Variants in ACYP2 observed in about 807,000 individuals in gnomAD.
The protein encoded by ACYP2 is acylphosphatase-2.
A neutral mutation model predicts 11.2 loss-of-function variants in ACYP2; 12 were observed. That is an observed-to-expected ratio of 1.08 (90% CI 0.69 to 1.74). The LOEUF (loss-of-function observed/expected upper bound fraction) is 1.74. Ranked by LOEUF, ACYP2 falls within the 40% of genes most tolerant of loss-of-function variation. ACYP2 has a pLI of 0.00. For synonymous variants in ACYP2, 43 were observed against 32.2 expected (o/e 1.33, Z -1.13); for missense variants, 134 against 101.9 (o/e 1.31, Z -1.35).
rs149521572 is a variant in ACYP2, at chr2:54,181,187, A to G, written c.404+42439A>G. Among the ~76,000 whole-genome samples, 1,217 of 152,310 alleles carry G rather than the reference A, an allele frequency of 8.0e-3. 13 individuals are homozygous for G. The highest frequency in any genetic ancestry group is 0.028 in the African/African-American group (1,175 of 41,576). ...ACTCTCATACCATTAACATTTCTCA[A>G]GGGAGTCGGATAACTAACAAATAAA... is the stretch of plus-strand genomic sequence containing the variant. On this transcript the variant is annotated intron_variant, in intron 6 of 6. Coordinates refer to ENST00000607452, the MANE Select transcript of ACYP2 (RefSeq NM_001320586.2).
intron 4 of ACYP2, among the ~76,000 whole-genome samples, chr2:54,097,473 C>A (rs569469221): frequency 2.6e-5 from 4 of 152,236 alleles, no homozygotes; most frequent in Non-Finnish European, 4.4e-5. Context: ...TCCTCAGAGG[C>A]ACCTGGTTAC....
chr2:54,151,845 A>G (rs932651540), intron 6 of ACYP2, among the ~76,000 whole-genome samples: 3 of 152,194 alleles, frequency 2.0e-5, no homozygotes, highest in Non-Finnish European at 4.4e-5. Context: ...ATTACTTTTT[A>G]TCTTTTTTTC....
At chr2:54,103,931 G>A (rs1043201712) in intron 4 of ACYP2, among the ~76,000 whole-genome samples, 3 of 152,174 alleles carry the variant, frequency 2.0e-5, no homozygotes, top group Admixed American at 6.5e-5. Context: ...CAGAGGAAAT[G>A]CCTGCAGCTA....
At chr2:54,185,614 C>T (rs983841477) in intron 6 of ACYP2, among the ~76,000 whole-genome samples, 1 of 152,062 alleles carries the variant, frequency 6.6e-6, no homozygotes, top group Non-Finnish European at 1.5e-5. Context: ...TAATTTAATA[C>T]AGATATTGGC....
At chr2:54,115,900 G>T in intron 4 of ACYP2, 144 bp downstream of exon 1, 3 of 1,128,370 alleles carry the variant, frequency 2.7e-6, no homozygotes, top group Non-Finnish European at 3.6e-6. Context: ...GCGGCGGCGG[G>T]GAGGGAGGCG....
chr2:54,237,002 C>T (rs1686510211), intron 6 of ACYP2, among the ~76,000 whole-genome samples: 1 of 152,182 alleles, frequency 6.6e-6, no homozygotes, highest in African/African-American at 2.4e-5. Context: ...GTACTGAACA[C>T]ATACAGACTT....
intron 6 of ACYP2, among the ~76,000 whole-genome samples, chr2:54,192,212 T>C (rs1458878003): frequency 6.6e-6 from 1 of 152,196 alleles, no homozygotes; most frequent in Non-Finnish European, 1.5e-5. Flanking sequence ...TATTCTTTCT[T>C]GGGAAATATT....
chr2:54,047,989 G>A (rs184405586), intron 2 of ACYP2, among the ~76,000 whole-genome samples: 2 of 152,330 alleles, frequency 1.3e-5, no homozygotes, highest in African/African-American at 2.4e-5. Context: ...GGTTGCAGGT[G>A]AAGATCAAGT....
chr2:54,004,894 CAAAAA>C (rs754230632), intron 2 of ACYP2, among the ~76,000 whole-genome samples: 5 of 31,930 alleles, frequency 1.6e-4, no homozygotes, highest in African/African-American at 4.3e-4. Context: ...GACTCTGTCT[CAAAAA>C]AAAAAAAAAA....
chr2:54,055,184 G>A (rs1676072945), intron 3 of ACYP2, among the ~76,000 whole-genome samples: 2 of 151,948 alleles, frequency 1.3e-5, no homozygotes, highest in Admixed American at 6.6e-5. Flanking sequence ...CTACAGGTGT[G>A]CACCACCACA....
chr2:54,211,069 A>G (rs1013447000), intron 6 of ACYP2, among the ~76,000 whole-genome samples: 2 of 152,236 alleles, frequency 1.3e-5, no homozygotes, highest in Non-Finnish European at 2.9e-5. Context: ...ACTCAATTGT[A>G]CATACAAACG....
chr2:54,057,664 TC>T (rs2103625829), intron 4 of ACYP2, among the ~76,000 whole-genome samples: 1 of 152,348 alleles, frequency 6.6e-6, no homozygotes, highest in South Asian at 2.1e-4. Flanking sequence ...TTTATACACT[TC>T]TTTACTGTTT....
At chr2:54,274,731 G>A (rs1445646796) in intron 6 of ACYP2, among the ~76,000 whole-genome samples, 2 of 142,254 alleles carry the variant, frequency 1.4e-5, no homozygotes, top group Non-Finnish European at 3.0e-5. Flanking sequence ...GAATGTCAAA[G>A]ATTTTCCCTA....
At chr2:54,145,050 C>T (rs1681821808) in intron 6 of ACYP2, among the ~76,000 whole-genome samples, 1 of 151,888 alleles carries the variant, frequency 6.6e-6, no homozygotes, top group South Asian at 2.1e-4. Context: ...GTAATTGTTC[C>T]TTCCTTGCTT....
At chr2:54,066,316 C>T (rs753265200) in intron 4 of ACYP2, among the ~76,000 whole-genome samples, 2 of 152,156 alleles carry the variant, frequency 1.3e-5, no homozygotes, top group Non-Finnish European at 2.9e-5. Flanking sequence ...GCCTTGCTTC[C>T]CCTTCGCCTT....
intron 2 of ACYP2, among the ~76,000 whole-genome samples, chr2:54,015,283 G>T (rs553690079): frequency 6.6e-6 from 1 of 151,474 alleles, no homozygotes. Context: ...AGGCCGAGGC[G>T]AGCAGATCAT....
chr2:54,227,708 A>C (rs1686067921), intron 6 of ACYP2, among the ~76,000 whole-genome samples: 1 of 152,216 alleles, frequency 6.6e-6, no homozygotes, highest in East Asian at 1.9e-4. Context: ...ATAAAGCCTT[A>C]AATTATCAGA....
In ACYP2 at chr2:54,075,379, A is replaced by G. The variant is rs187995001; in HGVS notation, c.277+18019A>G. The stretch of plus-strand genomic sequence containing the variant: ...CTGGGAATGGTGGCACATGCCTGTA[A>G]TCCCAGCTACTTGGGAGGCTAAGGC... On this transcript the variant is annotated intron_variant, in intron 4 of 6. Coordinates refer to ENST00000607452, the MANE Select transcript of ACYP2 (RefSeq NM_001320586.2). 4.4e-4 allele frequency among the ~76,000 whole-genome samples: 67 copies of G among 152,216 alleles called. No homozygotes were observed. In the East Asian group the frequency reaches 0.011, roughly 25 times the overall value.
intron 2 of ACYP2, among the ~76,000 whole-genome samples, chr2:54,019,403 G>A (rs966784762): frequency 6.6e-6 from 1 of 151,334 alleles, no homozygotes; most frequent in African/African-American, 2.4e-5. Context: ...TTGACACACA[G>A]TCTCACTCTG....
Sources: gnomAD v4.1 joint callset for allele counts (sites outside exome capture counted in the v4.1 genomes callset) on GRCh38, gnomAD v4.1.1 for gene constraint, MANE v1.5 for transcripts, NCBI Gene and HGNC (gene_info 2026-07-23, HGNC 2026-07-21) for gene names.